AS3MT: variants seen among roughly 807,000 people sequenced by gnomAD.
AS3MT encodes arsenite methyltransferase.
Under a neutral mutation model 45.3 loss-of-function variants are expected in AS3MT, and 47 were observed. That is an observed-to-expected ratio of 1.04 (90% CI 0.82 to 1.32). The LOEUF is 1.32. Among genes scored for constraint, AS3MT ranks in the 40% most tolerant of loss-of-function variants. The pLI, the probability that AS3MT is intolerant of heterozygous loss-of-function variation, is 0.00. For synonymous variants in AS3MT, 141 were observed against 152.8 expected (o/e 0.92, Z 0.57); for missense variants, 396 against 451.1 (o/e 0.88, Z 1.11).
rs1476114789 is a variant in AS3MT, at chr10:102,888,879, A to ATTTTTT, written c.886-1664_886-1663insTTTTTT. Among the ~76,000 whole-genome samples, 155 of 45,192 alleles carry ATTTTTT rather than the reference A, an allele frequency of 3.4e-3. 1 individual carries two copies. The highest frequency in any genetic ancestry group is 6.4e-3 in the Non-Finnish European group (143 of 22,436). 29.6% of individuals were successfully genotyped at this position (45,192 alleles called of 152,430 possible). ...TATATATATATATATATATATATAT[A>ATTTTTT]TATTTTTTTTTTTTTTTTTGAGACG... On this transcript the variant is annotated intron_variant, in intron 9 of 10. Transcript: ENST00000369880.
intron 10 of AS3MT, among the ~76,000 whole-genome samples, chr10:102,899,514 T>C (rs909302843): frequency 1.3e-5 from 2 of 152,120 alleles, no homozygotes; most frequent in Non-Finnish European, 2.9e-5. Flanking sequence ...AGTCAGTCAC[T>C]TTAGTAAAGG....
At chr10:102,893,401 C>T (rs1845107530) in intron 10 of AS3MT, among the ~76,000 whole-genome samples, 1 of 152,098 alleles carries the variant, frequency 6.6e-6, no homozygotes, top group Non-Finnish European at 1.5e-5. Flanking sequence ...TCACTGCAAC[C>T]TCCGCCTCAC....
chr10:102,890,685 T>G lies in AS3MT; in HGVS notation c.1020+7T>G. On this transcript the variant is annotated splice_region_variant and intron_variant, in intron 10 of 10. Coordinates refer to ENST00000369880, the MANE Select transcript of AS3MT (RefSeq NM_020682.4). ...TTCTGCTTTGGAGTTAAAGGTTAGT[T>G]TGGCTTTCACTACCTGAGAGAACTA... 4 of 1,602,596 alleles carry G rather than the reference T, an allele frequency of 2.5e-6. No homozygotes were observed. The highest frequency in any genetic ancestry group is 3.4e-6 in the Non-Finnish European group (4 of 1,176,914).
In AS3MT at chr10:102,869,976, G is replaced by C. The variant is rs763622610; in HGVS notation, c.43-108G>C. 644 of 1,560,792 alleles carry C rather than the reference G, an allele frequency of 4.1e-4. 3 individuals are homozygous for C. The Middle Eastern group carries it at 8.2e-3, about 20-fold the overall frequency. ...GGGTCTAGGCTTCGACCTTTCCAGG[G>C]AACTGAGGTCGGCCAAGTGGAGGTG... On this transcript the variant is annotated intron_variant, in intron 2 of 10. Transcript: ENST00000369880.
At chr10:102,870,777 T>C (rs1844666998) in intron 3 of AS3MT, among the ~76,000 whole-genome samples, 1 of 152,092 alleles carries the variant, frequency 6.6e-6, no homozygotes, top group Non-Finnish European at 1.5e-5. Flanking sequence ...CCCTTTTCTT[T>C]TTCCTTCCCA....
intron 9 of AS3MT, among the ~76,000 whole-genome samples, chr10:102,884,691 C>T (rs1042061475): frequency 1.3e-5 from 2 of 151,800 alleles, no homozygotes; most frequent in Non-Finnish European, 2.9e-5. Flanking sequence ...GGATTACAGG[C>T]GCCTGCCACC....
chr10:102,894,309 G>C (rs1016427227), intron 10 of AS3MT, among the ~76,000 whole-genome samples: 1 of 151,960 alleles, frequency 6.6e-6, no homozygotes, highest in Non-Finnish European at 1.5e-5. Flanking sequence ...TGTAGTCCCA[G>C]CTACTTGGGA....
chr10:102,885,930 G>A (rs1844946575), intron 9 of AS3MT, among the ~76,000 whole-genome samples: 1 of 152,024 alleles, frequency 6.6e-6, no homozygotes, highest in African/African-American at 2.4e-5. Flanking sequence ...GCCTCCCAAA[G>A]TGCTGGGATT....
In AS3MT at chr10:102,888,875, A is replaced by ATTTTTTTT. The variant is rs1448414240; in HGVS notation, c.886-1668_886-1667insTTTTTTTT. ...CCTATATATATATATATATATATAT[A>ATTTTTTTT]TATATATTTTTTTTTTTTTTTTTGA... is the stretch of plus-strand genomic sequence containing the variant. On this transcript the variant is annotated intron_variant, in intron 9 of 10. Coordinates refer to ENST00000369880, the MANE Select transcript of AS3MT (RefSeq NM_020682.4). Among the ~76,000 whole-genome samples, 68 of 70,036 alleles carry ATTTTTTTT rather than the reference A, an allele frequency of 9.7e-4. 1 individual carries two copies. The highest frequency in any genetic ancestry group is 2.3e-3 in the African/African-American group (39 of 17,262). The allele number at this position is 70,036 out of a possible 152,430, so 45.9% of individuals were successfully genotyped here. A position where few individuals can be genotyped will look rare whatever the true frequency, so the allele number is the denominator to read the frequency against.
chr10:102,879,504 A>G (rs757656814), intron 9 of AS3MT, among the ~76,000 whole-genome samples: 4 of 151,868 alleles, frequency 2.6e-5, no homozygotes, highest in Admixed American at 6.6e-5. Context: ...GGTGGCTCAC[A>G]CCTGTAATCC....
At chr10:102,886,720 C>T (rs1284125088) in intron 9 of AS3MT, among the ~76,000 whole-genome samples, 1 of 151,956 alleles carries the variant, frequency 6.6e-6, no homozygotes, top group African/African-American at 2.4e-5. Context: ...ACCTCCTGGG[C>T]TCAGGCAATC....
rs186119498 is a variant in AS3MT, at chr10:102,874,177, C to T, written c.459-415C>T. 5.0e-4 allele frequency among the ~76,000 whole-genome samples: 76 copies of T among 151,764 alleles called. No homozygotes were observed. The East Asian group carries it at 6.4e-3, about 13-fold the overall frequency. The stretch of plus-strand genomic sequence containing the variant: ...CTGAGGCAGGAGAATCACTTGAACC[C>T]GGGAGGCGGAGGTTGCAATGAGCCG... On this transcript the variant is annotated intron_variant, in intron 5 of 10. Transcript: ENST00000369880.
intron 9 of AS3MT, chr10:102,888,095 GC>G: frequency 6.1e-6 from 1 of 165,020 alleles, no homozygotes; most frequent in South Asian, 1.7e-4. Flanking sequence ...ATCCTCTCTT[GC>G]AAAAACTGCT....
At chr10:102,874,999 G>T (rs1202297488) in intron 6 of AS3MT, among the ~76,000 whole-genome samples, 3 of 152,174 alleles carry the variant, frequency 2.0e-5, no homozygotes, top group Non-Finnish European at 4.4e-5. Context: ...TGATTGCTTT[G>T]AATATACTCT....
intron 9 of AS3MT, among the ~76,000 whole-genome samples, chr10:102,889,355 CTTAT>C (rs1306186266): frequency 1.3e-5 from 2 of 151,950 alleles, no homozygotes; most frequent in Non-Finnish European, 2.9e-5. Context: ...CTGTGTTTGC[CTTAT>C]TTCTCTTAAC....
rs2134138095 is a variant in AS3MT, at chr10:102,901,410, G to C, written c.*710G>C. On this transcript the variant is annotated 3_prime_UTR_variant, in exon 11 of 11. Coordinates refer to ENST00000369880, the MANE Select transcript of AS3MT (RefSeq NM_020682.4). ...GGGTTTCACCATGTTAGCCAGGATGGTCTTGATCTCCTGACCTCGTGATCC... is the reference window on the plus strand; with the variant it reads ...GGGTTTCACCATGTTAGCCAGGATGCTCTTGATCTCCTGACCTCGTGATCC... The C allele has an allele frequency of 6.6e-6, 1 of 152,138 alleles. No individual in the cohort carries two copies. Among genetic ancestry groups the C allele is most frequent in the East Asian group, 1.9e-4 (1 of 5,152 alleles). The allele number at this position is 152,138 out of a possible 1,614,324, so 9.4% of individuals were successfully genotyped here. A position where few individuals can be genotyped will look rare whatever the true frequency, so the allele number is the denominator to read the frequency against.
intron 9 of AS3MT, among the ~76,000 whole-genome samples, chr10:102,883,101 TATG>T (rs375540145): frequency 8.2e-4 from 94 of 114,762 alleles, no homozygotes; most frequent in South Asian, 3.2e-3. Context: ...TATATATATA[TATG>T]GTTTTTTTTT....
chr10:102,897,341 G>A (rs1845192150), intron 10 of AS3MT, among the ~76,000 whole-genome samples: 1 of 150,748 alleles, frequency 6.6e-6, no homozygotes, highest in African/African-American at 2.4e-5. Flanking sequence ...CAGAGATCAT[G>A]CCACTGCACT....
At chr10:102,888,888 T>A (rs1474477626) in intron 9 of AS3MT, among the ~76,000 whole-genome samples, 90 of 135,828 alleles carry the variant, frequency 6.6e-4, no homozygotes, top group African/African-American at 2.4e-3. Context: ...TATATTTTTT[T>A]TTTTTTTTTT....
Sources: gnomAD v4.1 joint callset for allele counts (sites outside exome capture counted in the v4.1 genomes callset) on GRCh38, gnomAD v4.1.1 for gene constraint, MANE v1.5 for transcripts, NCBI Gene and HGNC (gene_info 2026-07-23, HGNC 2026-07-21) for gene names.